Variants in STAG1 observed in about 807,000 individuals in gnomAD.
STAG1 encodes the protein STAG1 cohesin complex component.
STAG1 carries 26 observed loss-of-function variants against 170.9 expected under a neutral mutation model. The observed-to-expected ratio is 0.15, with a 90% CI of 0.11 to 0.21. The LOEUF (loss-of-function observed/expected upper bound fraction) is 0.21, where lower values mean the gene tolerates loss of function less well. Among genes scored for constraint, STAG1 ranks in the 10% least tolerant of loss-of-function variants. The pLI is 1.00. For synonymous variants in STAG1, 514 were observed against 497.7 expected (o/e 1.03, Z -0.44); for missense variants, 964 against 1,509.5 (o/e 0.64, Z 5.99).
chr3:136,573,612 A>G (rs1937345852), intron 4 of STAG1, among the ~76,000 whole-genome samples: 1 of 152,106 alleles, frequency 6.6e-6, no homozygotes, highest in South Asian at 2.1e-4. Context: ...TTTTGAGACT[A>G]AAAAACTAAA....
intron 30 of STAG1, 106 bp from the exon 31 acceptor site, chr3:136,341,657 G>A: frequency 3.0e-6 from 2 of 672,328 alleles, no homozygotes; most frequent in Non-Finnish European, 2.6e-6. Flanking sequence ...CCATGTTGGA[G>A]GAATTAGCTG....
chr3:136,622,956 A>G (rs768758763), intron 3 of STAG1, among the ~76,000 whole-genome samples, 190 bp downstream of exon 3: 3 of 152,206 alleles, frequency 2.0e-5, no homozygotes, highest in Non-Finnish European at 4.4e-5. Flanking sequence ...GGGCAACAAA[A>G]TCATACTACA....
At chr3:136,650,697 A>T (rs1032422329) in intron 1 of STAG1, among the ~76,000 whole-genome samples, 1 of 152,186 alleles carries the variant, frequency 6.6e-6, no homozygotes, top group Admixed American at 6.6e-5. Context: ...GGACAGAGCG[A>T]TTACAGCCTA....
chr3:136,544,000 T>G (rs557569056), intron 5 of STAG1, among the ~76,000 whole-genome samples: 6 of 152,148 alleles, frequency 3.9e-5, no homozygotes, highest in Admixed American at 1.3e-4. Context: ...ATGCACAGAT[T>G]CAAATACTGT....
intron 26 of STAG1, among the ~76,000 whole-genome samples, chr3:136,361,167 A>T (rs769466641): frequency 6.6e-6 from 1 of 152,212 alleles, no homozygotes; most frequent in Admixed American, 6.5e-5. Flanking sequence ...AAAGTTTTCT[A>T]GATCAGTGTA....
At chr3:136,359,530 T>TA (rs1326390276) in intron 26 of STAG1, among the ~76,000 whole-genome samples, 3 of 152,138 alleles carry the variant, frequency 2.0e-5, no homozygotes, top group African/African-American at 7.2e-5. Context: ...CTAATAATAA[T>TA]AAAAAAACAC....
intron 5 of STAG1, among the ~76,000 whole-genome samples, chr3:136,553,743 C>T (rs1210263307): frequency 6.6e-6 from 1 of 152,240 alleles, no homozygotes; most frequent in Non-Finnish European, 1.5e-5. Context: ...CACTGCGCTC[C>T]AGCCTGGCAA....
At chr3:136,501,450 A>G (rs907454466) in intron 8 of STAG1, among the ~76,000 whole-genome samples, 4 of 152,172 alleles carry the variant, frequency 2.6e-5, no homozygotes, top group African/African-American at 9.7e-5. Context: ...GATGTCCTTA[A>G]GAAGGGAATA....
chr3:136,356,892 A>G (rs1469178366), intron 28 of STAG1, among the ~76,000 whole-genome samples: 1 of 151,992 alleles, frequency 6.6e-6, no homozygotes, highest in Non-Finnish European at 1.5e-5. Flanking sequence ...AGCTGGGACT[A>G]CAGGCATGCA....
At chr3:136,564,623 TAAGAA>T (rs1255732180) in intron 5 of STAG1, among the ~76,000 whole-genome samples, 1 of 152,160 alleles carries the variant, frequency 6.6e-6, no homozygotes, top group Non-Finnish European at 1.5e-5. Flanking sequence ...TAAATCATAT[TAAGAA>T]AATATGCTTC....
intron 1 of STAG1, among the ~76,000 whole-genome samples, chr3:136,712,206 C>A (rs1576797118): frequency 6.6e-6 from 1 of 152,190 alleles, no homozygotes; most frequent in Non-Finnish European, 1.5e-5. Flanking sequence ...TTAGTAGAGA[C>A]AGAATTTCAT....
chr3:136,373,197 C>T (rs1439567742), intron 23 of STAG1, among the ~76,000 whole-genome samples: 1 of 151,854 alleles, frequency 6.6e-6, no homozygotes, highest in African/African-American at 2.4e-5. Context: ...TGGTGATATC[C>T]CCTTTGTCAT....
chr3:136,620,447 A>G (rs1447172119), intron 3 of STAG1, among the ~76,000 whole-genome samples: 1 of 152,220 alleles, frequency 6.6e-6, no homozygotes, highest in Non-Finnish European at 1.5e-5. Context: ...TAAGAGAAAC[A>G]GTGTGGGAGT....
chr3:136,380,167 C>T (rs150903862), intron 22 of STAG1, among the ~76,000 whole-genome samples: 1 of 152,284 alleles, frequency 6.6e-6, no homozygotes, highest in South Asian at 2.1e-4. Context: ...AGGATTCAAA[C>T]GTGGGGCTGT....
chr3:136,642,806 G>A (rs932856073), intron 1 of STAG1, among the ~76,000 whole-genome samples: 3 of 152,164 alleles, frequency 2.0e-5, no homozygotes, highest in African/African-American at 4.8e-5. Context: ...TGTTGGCAGG[G>A]CCATGCTCTC....
At chr3:136,554,770 T>C (rs916357071) in intron 5 of STAG1, among the ~76,000 whole-genome samples, 7 of 151,856 alleles carry the variant, frequency 4.6e-5, no homozygotes, top group African/African-American at 1.7e-4. Context: ...TGGCACACAC[T>C]TGTGGTCCCA....
chr3:136,673,414 G>A (rs999042713), intron 1 of STAG1, among the ~76,000 whole-genome samples: 6 of 151,958 alleles, frequency 3.9e-5, no homozygotes, highest in Admixed American at 3.3e-4. Context: ...TTTATTTTGG[G>A]GGAAAAATGA....
At chr3:136,533,417 A>T (rs1436697884) in intron 6 of STAG1, among the ~76,000 whole-genome samples, 2 of 152,034 alleles carry the variant, frequency 1.3e-5, no homozygotes, top group African/African-American at 4.8e-5. Context: ...AATACCCAAG[A>T]CTGGGTAATT....
chr3:136,469,715 G>T (rs557583488), intron 12 of STAG1, among the ~76,000 whole-genome samples: 227 of 152,090 alleles, frequency 1.5e-3, no homozygotes, highest in Middle Eastern at 3.4e-3. Context: ...GGAGGCATCA[G>T]GCTATCTGAC....
Sources: gnomAD v4.1 joint callset for allele counts (sites outside exome capture counted in the v4.1 genomes callset) on GRCh38, gnomAD v4.1.1 for gene constraint, MANE v1.5 for transcripts, NCBI Gene and HGNC (gene_info 2026-07-23, HGNC 2026-07-21) for gene names.